Variants in KCNH8 observed in about 807,000 individuals in gnomAD.
KCNH8 encodes potassium voltage-gated channel subfamily H member 8.
KCNH8 carries 70 observed loss-of-function variants against 103.6 expected under a neutral mutation model. The observed-to-expected ratio is 0.68, with a 90% confidence interval of 0.56 to 0.82. KCNH8 has a LOEUF of 0.82. KCNH8 is among the 40% of genes least tolerant of loss of function. The pLI, the probability that KCNH8 is intolerant of heterozygous loss-of-function variation, is 0.00. For synonymous variants in KCNH8, 498 were observed against 489.4 expected (o/e 1.02, Z -0.23); for missense variants, 1,217 against 1,329.9 (o/e 0.92, Z 1.32).
chr3:19,450,402 C>A, intron 9 of KCNH8, 97 bp downstream of exon 9: 3 of 908,032 alleles, frequency 3.3e-6, no homozygotes, highest in Admixed American at 1.8e-5. Context: ...GAAAAGCATA[C>A]CAACTTCTTT....
At chr3:19,287,250 A>G (rs1209355896) in intron 3 of KCNH8, among the ~76,000 whole-genome samples, 1 of 152,150 alleles carries the variant, frequency 6.6e-6, no homozygotes, top group Non-Finnish European at 1.5e-5. Flanking sequence ...ATTAAAGGAG[A>G]TAGATTAATA....
intron 8 of KCNH8, among the ~76,000 whole-genome samples, chr3:19,448,162 A>ACAGACCTACC: frequency 6.6e-6 from 1 of 151,974 alleles, no homozygotes; most frequent in African/African-American, 2.4e-5. Context: ...CACTTTTTAA[A>ACAGACCTACC]AAATACATTT....
chr3:19,280,808 C>T (rs975589921), intron 2 of KCNH8, among the ~76,000 whole-genome samples: 1 of 151,996 alleles, frequency 6.6e-6, no homozygotes, highest in Admixed American at 6.6e-5. Flanking sequence ...AAACCTCTGG[C>T]AAACTCATAC....
intron 5 of KCNH8, among the ~76,000 whole-genome samples, chr3:19,376,339 T>G (rs139445510): frequency 1.6e-4 from 24 of 152,332 alleles, no homozygotes; most frequent in African/African-American, 5.5e-4. Context: ...AGCGCAGTAT[T>G]CGGGTAGGAG....
At position 19,523,911 on chromosome 3, in the gene KCNH8, G is replaced by A. The variant is rs535780396; in HGVS notation, c.2619+5837G>A. Among the ~76,000 whole-genome samples, 260 of 151,866 alleles carry A rather than the reference G, an allele frequency of 1.7e-3. 1 individual carries two copies. The highest frequency in any genetic ancestry group is 2.7e-3 in the African/African-American group (112 of 41,486). ...TACCAGCAATGAAAGGCCTTCCACT[G>A]GAAAACAGAGAAAGAATCTGAGTTG... On this transcript the variant is annotated intron_variant, in intron 15 of 15. Coordinates refer to ENST00000328405, the MANE Select transcript of KCNH8 (RefSeq NM_144633.3).
chr3:19,208,236 G>T (rs1307639193), intron 1 of KCNH8, among the ~76,000 whole-genome samples: 4 of 151,958 alleles, frequency 2.6e-5, no homozygotes, highest in African/African-American at 4.8e-5. Context: ...CTGGCAATTT[G>T]CAAAATATTG....
At chr3:19,180,952 A>T (rs1397281883) in intron 1 of KCNH8, among the ~76,000 whole-genome samples, 3 of 152,172 alleles carry the variant, frequency 2.0e-5, no homozygotes, top group African/African-American at 7.2e-5. Context: ...TTCTTTTGGT[A>T]GACTAGAGAC....
intron 7 of KCNH8, among the ~76,000 whole-genome samples, chr3:19,420,540 C>T (rs574606539): frequency 2.0e-5 from 3 of 152,128 alleles, no homozygotes; most frequent in East Asian, 1.9e-4. Context: ...AATATGCTGG[C>T]TTAGGTTTAC....
intron 11 of KCNH8, among the ~76,000 whole-genome samples, chr3:19,484,345 T>A (rs1479406588): frequency 6.6e-6 from 1 of 152,230 alleles, no homozygotes; most frequent in Non-Finnish European, 1.5e-5. Flanking sequence ...TACTTTCTTG[T>A]CTTACCTCAG....
intron 1 of KCNH8, among the ~76,000 whole-genome samples, chr3:19,174,879 T>G (rs1220189664): frequency 1.3e-5 from 2 of 152,228 alleles, no homozygotes; most frequent in Non-Finnish European, 2.9e-5. Context: ...CATCCATGGT[T>G]GTTTTGTTTC....
intron 1 of KCNH8, among the ~76,000 whole-genome samples, chr3:19,181,154 A>T (rs1377865105): frequency 6.6e-6 from 1 of 152,156 alleles, no homozygotes; most frequent in Non-Finnish European, 1.5e-5. Flanking sequence ...CTGATACTGA[A>T]AGAGTTTATC....
At chr3:19,525,542 G>A (rs997213047) in intron 15 of KCNH8, among the ~76,000 whole-genome samples, 1 of 151,830 alleles carries the variant, frequency 6.6e-6, no homozygotes, top group Non-Finnish European at 1.5e-5. Context: ...CAGGAAAACA[G>A]ATGACAAAAG....
At chr3:19,277,350 C>G (rs571806922) in intron 2 of KCNH8, among the ~76,000 whole-genome samples, 38 of 152,150 alleles carry the variant, frequency 2.5e-4, no homozygotes, top group African/African-American at 8.7e-4. Flanking sequence ...ATCCCTTGAA[C>G]ACCGGAGTTT....
intron 11 of KCNH8, among the ~76,000 whole-genome samples, chr3:19,468,899 TAATTC>T (rs1045679315): frequency 2.0e-5 from 3 of 152,214 alleles, no homozygotes; most frequent in Non-Finnish European, 2.9e-5. Context: ...TATTACGATT[TAATTC>T]AATTCAAGAA....
At chr3:19,167,566 T>C (rs2063298026) in intron 1 of KCNH8, among the ~76,000 whole-genome samples, 1 of 152,240 alleles carries the variant, frequency 6.6e-6, no homozygotes, top group Non-Finnish European at 1.5e-5. Context: ...CATTGCTTTT[T>C]AGGACTTTTT....
At chr3:19,343,244 C>G (rs910976635) in intron 4 of KCNH8, among the ~76,000 whole-genome samples, 3 of 152,006 alleles carry the variant, frequency 2.0e-5, no homozygotes, top group Non-Finnish European at 4.4e-5. Context: ...GCATACCATA[C>G]GTTAAATAAT....
chr3:19,281,858 A>G (rs1180655702), intron 3 of KCNH8, among the ~76,000 whole-genome samples: 1 of 152,120 alleles, frequency 6.6e-6, no homozygotes, highest in Non-Finnish European at 1.5e-5. Context: ...GACATAAACA[A>G]GCTTTTCAGT....
intron 11 of KCNH8, among the ~76,000 whole-genome samples, chr3:19,503,528 C>G (rs747605358): frequency 1.4e-4 from 21 of 152,208 alleles, no homozygotes; most frequent in African/African-American, 3.9e-4. Context: ...GGAACCAACC[C>G]AAATATCCAC....
chr3:19,446,483 AC>A (rs1007573372), intron 8 of KCNH8, among the ~76,000 whole-genome samples: 1 of 152,006 alleles, frequency 6.6e-6, no homozygotes, highest in African/African-American at 2.4e-5. Context: ...ATGTCTTTGC[AC>A]TGCCATTTAA....
Sources: allele counts gnomAD v4.1 joint callset (sites outside exome capture counted in the v4.1 genomes callset), GRCh38; gene constraint gnomAD v4.1.1; transcripts MANE v1.5; gene names NCBI Gene and HGNC (gene_info 2026-07-23, HGNC 2026-07-21).